Variants in KCNMA1 observed in about 807,000 individuals in gnomAD.
KCNMA1 encodes the protein potassium calcium-activated channel subfamily M alpha 1.
KCNMA1 carries 29 observed loss-of-function variants against 140.0 expected under a neutral mutation model. The ratio of observed to expected loss-of-function variants is 0.21; its 90% CI spans 0.15 to 0.28. The LOEUF is 0.28. Ranked by LOEUF, KCNMA1 falls within the 10% of genes least tolerant of loss-of-function variation. KCNMA1 has a pLI of 1.00. For synonymous variants in KCNMA1, 612 were observed against 611.9 expected (o/e 1.00, Z 0.00); for missense variants, 880 against 1,602.2 (o/e 0.55, Z 7.70).
intron 1 of KCNMA1, among the ~76,000 whole-genome samples, chr10:77,551,991 C>A (rs929274261): frequency 9.2e-5 from 14 of 151,978 alleles, no homozygotes; most frequent in African/African-American, 3.4e-4. Context: ...GAGGCTCAGA[C>A]CTCTCTGAGC....
At chr10:76,934,346 G>A (rs1426855643) in intron 23 of KCNMA1, among the ~76,000 whole-genome samples, 1 of 152,184 alleles carries the variant, frequency 6.6e-6, no homozygotes, top group Non-Finnish European at 1.5e-5. Flanking sequence ...AAGAAGTAAA[G>A]TTTTTAAGAC....
At chr10:77,207,284 C>T (rs533249587) in intron 3 of KCNMA1, among the ~76,000 whole-genome samples, 2 of 152,232 alleles carry the variant, frequency 1.3e-5, no homozygotes, top group African/African-American at 4.8e-5. Context: ...AATTGTTCTG[C>T]ATTCTATAGA....
intron 2 of KCNMA1, among the ~76,000 whole-genome samples, chr10:77,378,147 G>C (rs1027282003): frequency 6.6e-6 from 1 of 152,156 alleles, no homozygotes; most frequent in Non-Finnish European, 1.5e-5. Flanking sequence ...AAGCAGCACT[G>C]GGGGTCACTG....
At chr10:77,460,903 C>T (rs2097854766) in intron 1 of KCNMA1, among the ~76,000 whole-genome samples, 1 of 152,118 alleles carries the variant, frequency 6.6e-6, no homozygotes, top group Non-Finnish European at 1.5e-5. Flanking sequence ...GTCAAGAGTT[C>T]AAGACCAGCC....
At chr10:77,423,381 T>C (rs2096909303) in intron 1 of KCNMA1, among the ~76,000 whole-genome samples, 1 of 152,190 alleles carries the variant, frequency 6.6e-6, no homozygotes, top group Admixed American at 6.5e-5. Context: ...CTAATCGACA[T>C]AGAAACGGCT....
intron 26 of KCNMA1, chr10:76,889,817 C>A: frequency 1.8e-6 from 1 of 542,670 alleles, no homozygotes; most frequent in Admixed American, 2.9e-5. Flanking sequence ...CCACCTGTCG[C>A]AGTGGGGTTT....
rs929953494 is a variant in KCNMA1, at chr10:77,422,425, C to T, written c.379-18402G>A. 3.3e-5 allele frequency among the ~76,000 whole-genome samples: 5 copies of T among 152,350 alleles called. No individual in the cohort carries two copies. In the East Asian group the frequency reaches 9.6e-4, roughly 29 times the overall value. On this transcript the variant is annotated intron_variant, in intron 1 of 27. Transcript: ENST00000286628. ...ATCTGCAGAATAAATGATTTCAAGGCTTCGGTCCTCTAGCTGGAGTTTGCT... is the reference window on the plus strand; with the variant it reads ...ATCTGCAGAATAAATGATTTCAAGGTTTCGGTCCTCTAGCTGGAGTTTGCT...
intron 1 of KCNMA1, chr10:77,636,119 TC>T: frequency 1.0e-6 from 1 of 972,204 alleles, no homozygotes; most frequent in Non-Finnish European, 1.4e-6. Context: ...CCCCTGGATT[TC>T]CCTTCCCTCC....
chr10:77,258,950 G>A (rs946162215), intron 2 of KCNMA1, among the ~76,000 whole-genome samples: 8 of 149,536 alleles, frequency 5.3e-5, no homozygotes, highest in East Asian at 1.9e-4. Flanking sequence ...GCAACAGAGC[G>A]AGACTCTGTC....
At chr10:77,334,697 A>G (rs17486851) in intron 2 of KCNMA1, among the ~76,000 whole-genome samples, 1,742 of 152,280 alleles carry the variant, frequency 0.011, 14 homozygotes, top group South Asian at 0.037. Context: ...TGAAACATAC[A>G]CTCAGTGTCA....
intron 1 of KCNMA1, among the ~76,000 whole-genome samples, chr10:77,570,666 A>G (rs992208219): frequency 8.0e-5 from 12 of 150,568 alleles, no homozygotes; most frequent in Middle Eastern, 3.4e-3. Flanking sequence ...GCAGCGCACC[A>G]GCATGGCACA....
At chr10:77,191,049 A>G (rs2098934353) in intron 3 of KCNMA1, among the ~76,000 whole-genome samples, 1 of 152,188 alleles carries the variant, frequency 6.6e-6, no homozygotes, top group African/African-American at 2.4e-5. Context: ...TCATATGGAT[A>G]TGGATTTTTA....
At chr10:77,469,294 CCAGTTT>C (rs1418245068) in intron 1 of KCNMA1, among the ~76,000 whole-genome samples, 1 of 152,146 alleles carries the variant, frequency 6.6e-6, no homozygotes, top group Non-Finnish European at 1.5e-5. Flanking sequence ...GCCTCTCCTT[CCAGTTT>C]ATTGGAGAAG....
rs1478815213 is a variant in KCNMA1 at position 77,112,592 on chromosome 10, G to A, written c.885-150C>T. On this transcript the variant is annotated intron_variant, in intron 6 of 27. Transcript: ENST00000286628. ...CCATTATAAGGGAATTCTGGAAGGT[G>A]GAGGAAGCTGCTGGGATGAAGGTCA... 7.3e-6 allele frequency: 5 copies of A among 687,482 alleles called. No homozygotes were observed. In the Admixed American group the frequency reaches 1.0e-4, roughly 14 times the overall value. 42.6% of individuals were successfully genotyped at this position (687,482 alleles called of 1,614,324 possible).
At chr10:77,599,145 T>C (rs918367063) in intron 1 of KCNMA1, among the ~76,000 whole-genome samples, 1 of 152,232 alleles carries the variant, frequency 6.6e-6, no homozygotes, top group African/African-American at 2.4e-5. Context: ...TACTGCTTTA[T>C]CATGCTGTAC....
intron 1 of KCNMA1, among the ~76,000 whole-genome samples, chr10:77,559,052 G>T (rs556322867): frequency 6.6e-6 from 1 of 152,272 alleles, no homozygotes; most frequent in Non-Finnish European, 1.5e-5. Context: ...GTCACTCTCC[G>T]TGTCCTGGTC....
intron 2 of KCNMA1, among the ~76,000 whole-genome samples, chr10:77,350,174 T>A (rs1381982308): frequency 2.6e-5 from 4 of 152,208 alleles, no homozygotes; most frequent in Non-Finnish European, 4.4e-5. Context: ...GCTGGGATTA[T>A]AAGCATGATC....
At position 76,885,292 on chromosome 10, in the gene KCNMA1, TA is replaced by T; in HGVS notation, c.*1973del. The T allele has an allele frequency of 1.4e-6, 1 of 734,192 alleles. No homozygotes were observed. Among genetic ancestry groups the T allele is most frequent in the Non-Finnish European group, 1.7e-6 (1 of 602,326 alleles). 45.5% of individuals were successfully genotyped at this position (734,192 alleles called of 1,614,324 possible). ...TATAAAGAGATAGTTATACATAATA[TA>T]AATCAATATATAGAGGGACAAAAAT... is the stretch of plus-strand genomic sequence containing the variant. On this transcript the variant is annotated 3_prime_UTR_variant, in exon 28 of 28. Transcript: ENST00000286628.
intron 1 of KCNMA1, among the ~76,000 whole-genome samples, chr10:77,417,492 G>C (rs577206530): frequency 1.3e-5 from 2 of 152,310 alleles, no homozygotes; most frequent in South Asian, 4.1e-4. Flanking sequence ...CTGGGGGTTG[G>C]CTCCTAACTG....
Sources: gnomAD v4.1 joint callset for allele counts (sites outside exome capture counted in the v4.1 genomes callset) on GRCh38, gnomAD v4.1.1 for gene constraint, MANE v1.5 for transcripts, NCBI Gene and HGNC (gene_info 2026-07-23, HGNC 2026-07-21) for gene names.